The following ESF1 variants were observed in gnomAD, a reference collection of about 807,000 sequenced individuals.
The protein encoded by ESF1 is ESF1 homolog.
Under a neutral mutation model 92.0 loss-of-function variants are expected in ESF1, and 58 were observed. The observed-to-expected ratio is 0.63, with a 90% confidence interval of 0.51 to 0.78. The LOEUF (loss-of-function observed/expected upper bound fraction) is 0.78, where lower values mean the gene tolerates loss of function less well. ESF1 is among the 30% of genes least tolerant of loss of function. ESF1 has a pLI of 0.00. For synonymous variants in ESF1, 321 were observed against 313.7 expected, an observed-to-expected ratio of 1.02 and a Z score of -0.24; for missense variants, 922 against 989.1, an observed-to-expected ratio of 0.93 and a Z score of 0.91.
At chr20:13,718,101 A>C (rs2049842951) in intron 12 of ESF1, among the ~76,000 whole-genome samples, 1 of 152,192 alleles carries the variant, frequency 6.6e-6, no homozygotes, top group Non-Finnish European at 1.5e-5. Context: ...GAGAACCCTC[A>C]AGAATCAAGT....
chr20:13,748,588 A>ATTTTTTT (rs1351825674), intron 9 of ESF1, among the ~76,000 whole-genome samples: 1 of 61,516 alleles, frequency 1.6e-5, no homozygotes. Flanking sequence ...ATATATATAT[A>ATTTTTTT]TATATTTTTT....
rs199992781 is a variant in ESF1 at position 13,783,092 on chromosome 20, C to T, written c.49G>A (p.Ala17Thr). The T allele has an allele frequency of 3.2e-5, 52 of 1,613,556 alleles. No homozygotes were observed. Among genetic ancestry groups the T allele is most frequent in the Non-Finnish European group, 6.8e-6 (8 of 1,179,940 alleles). Residue 17 changes from alanine (A) to threonine (T), a missense_variant, in exon 2 of 14, where the codon GCA becomes ACA. Physicochemically the swap from Ala to Thr is moderately conservative, Grantham distance 58. Coordinates refer to ENST00000617257, the MANE Select transcript of ESF1 (RefSeq NM_001276380.2). ...IMSDQRFRRV[A>T]KDPRFWEMPE... ...ATTTCCCAAAATCTCGGGTCCTTTG[C>T]AACCCGTCTAAACCGCTGGTCACTC...
intron 9 of ESF1, among the ~76,000 whole-genome samples, chr20:13,740,811 G>A (rs1468284903): frequency 6.6e-6 from 1 of 152,110 alleles, no homozygotes; most frequent in Non-Finnish European, 1.5e-5. Flanking sequence ...TCAAAAGTGG[G>A]CCCTGAGGTA....
At position 13,725,578 on chromosome 20, in the gene ESF1, A is replaced by T. The variant is rs370547239; in HGVS notation, c.2038+2800T>A. Among the ~76,000 whole-genome samples, 5 of 151,906 alleles carry T rather than the reference A, an allele frequency of 3.3e-5. No individual in the cohort carries two copies. The East Asian group carries it at 9.7e-4, about 29-fold the overall frequency. ...CCACTACATTAATACTGTTCCTCCTATTTCCCAGCCGCCGCTTCTCAGCTT... is the reference window on the plus strand; with the variant it reads ...CCACTACATTAATACTGTTCCTCCTTTTTCCCAGCCGCCGCTTCTCAGCTT... On this transcript the variant is annotated intron_variant, in intron 11 of 13. Coordinates refer to ENST00000617257, the MANE Select transcript of ESF1 (RefSeq NM_001276380.2).
intron 9 of ESF1, among the ~76,000 whole-genome samples, chr20:13,752,549 A>G (rs1978687498): frequency 6.6e-6 from 1 of 152,252 alleles, no homozygotes; most frequent in Non-Finnish European, 1.5e-5. Flanking sequence ...ATGAAAATGG[A>G]GCCAAAACTA....
At chr20:13,771,985 C>T (rs1167589993) in intron 5 of ESF1, among the ~76,000 whole-genome samples, 1 of 147,066 alleles carries the variant, frequency 6.8e-6, no homozygotes, top group African/African-American at 2.5e-5. Flanking sequence ...TCTTCATCTG[C>T]TCTCTCCTGT....
rs188281790 is a variant in ESF1, at chr20:13,769,236, G to A, written c.1518+671C>T. 5.3e-4 allele frequency among the ~76,000 whole-genome samples: 80 copies of A among 152,242 alleles called. No homozygotes were observed. The East Asian group carries it at 0.014, about 28-fold the overall frequency. ...CCCTAGTTTCATTTAACTGTGCGGG[G>A]AGGTAATTTATTATCCACTTCCCCT... is the stretch of plus-strand genomic sequence containing the variant. On this transcript the variant is annotated intron_variant, in intron 7 of 13. Coordinates refer to ENST00000617257, the MANE Select transcript of ESF1 (RefSeq NM_001276380.2).
chr20:13,764,430 A>G (rs1056134837), intron 8 of ESF1, among the ~76,000 whole-genome samples: 26 of 152,298 alleles, frequency 1.7e-4, no homozygotes, highest in Admixed American at 1.7e-3. Context: ...TATTTTAAGC[A>G]AAGAGCATAT....
At chr20:13,757,761 G>A (rs114684387) in intron 9 of ESF1, among the ~76,000 whole-genome samples, 63 of 152,266 alleles carry the variant, frequency 4.1e-4, no homozygotes, top group African/African-American at 1.3e-3. Flanking sequence ...GTGGGAACCT[G>A]TATCATATAT....
At chr20:13,722,677 C>A (rs1013537529) in intron 11 of ESF1, among the ~76,000 whole-genome samples, 1 of 147,454 alleles carries the variant, frequency 6.8e-6, no homozygotes, top group Non-Finnish European at 1.5e-5. Context: ...AAGCAAGACC[C>A]CAGCTCCACA....
intron 9 of ESF1, among the ~76,000 whole-genome samples, chr20:13,741,711 C>G (rs1323175214): frequency 6.6e-6 from 1 of 152,116 alleles, no homozygotes; most frequent in Non-Finnish European, 1.5e-5. Flanking sequence ...TTCTTCTCAT[C>G]TGGACAAAAA....
intron 8 of ESF1, among the ~76,000 whole-genome samples, chr20:13,764,930 A>T (rs6110030): frequency 8.0e-5 from 12 of 150,814 alleles, no homozygotes; most frequent in African/African-American, 2.9e-4. Context: ...AAAAAAAAAA[A>T]CAAAAACAAA....
In ESF1 at chr20:13,779,316, T is replaced by C. The variant is rs112113127; in HGVS notation, c.638-3046A>G. 9.6e-3 allele frequency among the ~76,000 whole-genome samples: 1,463 copies of C among 152,232 alleles called. 28 individuals are homozygous for C. The highest frequency in any genetic ancestry group is 0.032 in the African/African-American group (1,329 of 41,536). ...AAAAAAGTTAGGAAAATATGGTTAA[T>C]AAATAAAACAAAGGTGACTAGCAGT... is the stretch of plus-strand genomic sequence containing the variant. On this transcript the variant is annotated intron_variant, in intron 2 of 13. Transcript: ENST00000617257.
intron 9 of ESF1, among the ~76,000 whole-genome samples, chr20:13,755,865 A>G (rs1301832201): frequency 6.6e-6 from 1 of 152,212 alleles, no homozygotes; most frequent in Non-Finnish European, 1.5e-5. Context: ...TAAATAGTCT[A>G]AACTAGAATT....
chr20:13,715,175 TCC>T lies in ESF1; in HGVS notation c.2263-10_2263-9del. Reference sequence around the variant, plus strand: ...TGCATCGTTAACATTTACCTGCAAATCCAAAAAAAAAAAAAATTAATAAATTA... The same window carrying T: ...TGCATCGTTAACATTTACCTGCAAATAAAAAAAAAAAAAATTAATAAATTA... On this transcript the variant is annotated splice_polypyrimidine_tract_variant and intron_variant, in intron 13 of 13. Transcript: ENST00000617257. The T allele has an allele frequency of 7.3e-7, 1 of 1,378,042 alleles. No individual in the cohort carries two copies. The highest frequency in any genetic ancestry group is 9.5e-7 in the Non-Finnish European group (1 of 1,055,842). 85.4% of individuals were successfully genotyped at this position (1,378,042 alleles called of 1,614,324 possible).
At chr20:13,768,876 G>A (rs1313764650) in intron 7 of ESF1, among the ~76,000 whole-genome samples, 13 of 129,820 alleles carry the variant, frequency 1.0e-4, no homozygotes, top group African/African-American at 1.8e-4. Context: ...CAGCCTGGGC[G>A]ACAGAGCAAG....
intron 9 of ESF1, among the ~76,000 whole-genome samples, chr20:13,754,599 C>T (rs753610280): frequency 5.3e-5 from 8 of 152,122 alleles, no homozygotes; most frequent in Non-Finnish European, 1.0e-4. Context: ...TTGATGCTCC[C>T]TTGCAAACAT....
intron 9 of ESF1, among the ~76,000 whole-genome samples, chr20:13,754,061 T>G (rs1193758261): frequency 6.6e-6 from 1 of 152,168 alleles, no homozygotes; most frequent in East Asian, 1.9e-4. Flanking sequence ...CTTGCAACTT[T>G]CTATCAAATA....
intron 9 of ESF1, among the ~76,000 whole-genome samples, chr20:13,752,027 C>A (rs749180829): frequency 2.5e-4 from 38 of 152,002 alleles, no homozygotes; most frequent in South Asian, 4.2e-4. Flanking sequence ...ATAAAAATAA[C>A]AATAAATCAA....
Sources: gnomAD v4.1 joint callset for allele counts (sites outside exome capture counted in the v4.1 genomes callset) on GRCh38, gnomAD v4.1.1 for gene constraint, MANE v1.5 for transcripts, NCBI Gene and HGNC (gene_info 2026-07-23, HGNC 2026-07-21) for gene names.